The following RTTN variants were observed in gnomAD, a reference collection of about 807,000 sequenced individuals.
RTTN encodes rotatin.
A neutral mutation model predicts 269.2 loss-of-function variants in RTTN; 182 were observed. The ratio of observed to expected loss-of-function variants is 0.68; its 90% confidence interval spans 0.60 to 0.76. The LOEUF is 0.76. RTTN is among the 30% of genes least tolerant of loss of function. The pLI, the probability that RTTN is intolerant of heterozygous loss-of-function variation, is 0.00. For missense variants in RTTN, 2,545 were observed against 2,608.6 expected (o/e 0.98, Z 0.53); for synonymous variants, 1,006 against 963.5 (o/e 1.04, Z -0.82).
At position 70,185,953 on chromosome 18, in the gene RTTN, T is replaced by TAA. The variant is rs992131626; in HGVS notation, c.1305+2153_1305+2154dup. On this transcript the variant is annotated intron_variant, in intron 10 of 48. Transcript: ENST00000640769. ...GAATACTTAAGAATAAGTGTTTTTT[T>TAA]AAAAAAAAACCTAGACTTGCTCTCT... 2.7e-5 allele frequency among the ~76,000 whole-genome samples: 4 copies of TAA among 149,266 alleles called. No individual in the cohort carries two copies. The Admixed American group carries it at 2.7e-4, about 10-fold the overall frequency.
At chr18:70,131,146 TAAAAAA>T (rs67531375) in intron 23 of RTTN, 1 of 141,634 alleles carries the variant, frequency 7.1e-6, no homozygotes, top group African/African-American at 2.6e-5. Flanking sequence ...ATTTTTAGAT[TAAAAAA>T]AAAAAAAACC....
chr18:70,101,804 A>G (rs2059175212), intron 28 of RTTN, among the ~76,000 whole-genome samples: 1 of 152,170 alleles, frequency 6.6e-6, no homozygotes, highest in South Asian at 2.1e-4. Flanking sequence ...TTCAAAGAGC[A>G]TCTTTATTTC....
chr18:70,084,166 G>A (rs944246291), intron 32 of RTTN, among the ~76,000 whole-genome samples: 5 of 151,794 alleles, frequency 3.3e-5, no homozygotes, highest in African/African-American at 7.3e-5. Context: ...GAGCACTAGC[G>A]GGCATTAATT....
At position 70,205,630 on chromosome 18, in the gene RTTN, A is replaced by G. The variant is rs2062061239; in HGVS notation, c.29T>C (p.Leu10Pro). Reference protein sequence around the residue: MVLAGLIRKLGHQLAEIRER... With the variant: MVLAGLIRKPGHQLAEIRER... ...GCGAGGGGCAAGCTGACAGTTACCG[A>G]GTTTCCTGATGAGCCCTGCCAGGAC... Residue 10 changes from leucine to proline, a missense_variant and splice_region_variant, in exon 1 of 49, where the codon CTC (leucine) becomes CCC (proline). Physicochemically the swap from Leu to Pro is moderately conservative, Grantham distance 98. Coordinates refer to ENST00000640769, the MANE Select transcript of RTTN (RefSeq NM_173630.4). 6.2e-7 allele frequency: 1 copy of G among 1,614,034 alleles called. No individual in the cohort carries two copies. Among genetic ancestry groups the G allele is most frequent in the Non-Finnish European group, 8.5e-7 (1 of 1,179,998 alleles).
At chr18:70,118,884 ATCCT>A (rs2059663593) in intron 26 of RTTN, among the ~76,000 whole-genome samples, 3 of 152,150 alleles carry the variant, frequency 2.0e-5, no homozygotes, top group Non-Finnish European at 4.4e-5. Context: ...AAAATTCAAC[ATCCT>A]TTCATAATAA....
At chr18:70,180,514 G>A (rs912038689) in intron 10 of RTTN, among the ~76,000 whole-genome samples, 10 of 151,762 alleles carry the variant, frequency 6.6e-5, no homozygotes, top group African/African-American at 1.2e-4. Context: ...TCCAGGAGGC[G>A]GAGGTTGCAG....
At chr18:70,033,809 T>C (rs2057090370) in intron 40 of RTTN, among the ~76,000 whole-genome samples, 1 of 149,626 alleles carries the variant, frequency 6.7e-6, no homozygotes, top group Admixed American at 6.7e-5. Context: ...TAATAAAATA[T>C]ATGGACCACT....
rs151269060 is a variant in RTTN, at chr18:70,029,886, T to C, written c.5745+126A>G. The C allele has an allele frequency of 6.6e-5, 43 of 654,146 alleles. No homozygotes were observed. The East Asian group carries it at 1.1e-3, about 17-fold the overall frequency. The allele number at this position is 654,146 out of a possible 1,614,324, so 40.5% of individuals were successfully genotyped here. A position where few individuals can be genotyped will look rare whatever the true frequency, so the allele number is the denominator to read the frequency against. ...ACAATCTGCTAATGTAGAAGTCTCA[T>C]TAATTTATCCATCTGTACCTTTCTT... On this transcript the variant is annotated intron_variant, in intron 42 of 48. Transcript: ENST00000640769.
intron 11 of RTTN, 88 bp from the exon 12 acceptor site, chr18:70,169,155 A>T: frequency 1.1e-6 from 1 of 896,310 alleles, no homozygotes; most frequent in South Asian, 2.6e-5. Context: ...GTCTTAATCT[A>T]ATCCAACTTC....
In RTTN at chr18:70,042,382, TTTTTTTTTTTTG is replaced by T. The variant is rs535565509; in HGVS notation, c.5541+5577_5541+5588del. 8.8e-3 allele frequency among the ~76,000 whole-genome samples: 1,241 copies of T among 140,394 alleles called. 23 individuals carry two copies. Among genetic ancestry groups the T allele is most frequent in the African/African-American group, 0.031 (1,157 of 37,758 alleles). 92.1% of individuals were successfully genotyped at this position (140,394 alleles called of 152,430 possible). A position where few individuals can be genotyped will look rare whatever the true frequency, so the allele number is the denominator to read the frequency against. ...TGGAATTTTCTTTTTTTTTTTTTTT[TTTTTTTTTTTTG>T]AGACGGAGTCTCGCTCTGTCGCCCA... On this transcript the variant is annotated intron_variant, in intron 40 of 48. Transcript: ENST00000640769.
rs530959467 is a variant in RTTN at position 70,160,239 on chromosome 18, T to C, written c.1929+5823A>G. On this transcript the variant is annotated intron_variant, in intron 14 of 48. Coordinates refer to ENST00000640769, the MANE Select transcript of RTTN (RefSeq NM_173630.4). ...ACAGCAAAAAGCTAATCCACCACGATCAAGTATGCCTTATCCACTGGATGC... is the reference window on the plus strand; with the variant it reads ...ACAGCAAAAAGCTAATCCACCACGACCAAGTATGCCTTATCCACTGGATGC... 3.3e-5 allele frequency among the ~76,000 whole-genome samples: 5 copies of C among 151,836 alleles called. No homozygotes were observed. The South Asian group carries it at 1.0e-3, about 32-fold the overall frequency.
chr18:70,119,459 A>G (rs2059682345), intron 26 of RTTN, among the ~76,000 whole-genome samples: 1 of 152,056 alleles, frequency 6.6e-6, no homozygotes, highest in African/African-American at 2.4e-5. Flanking sequence ...AAATGGAAGG[A>G]AAAAGCAAAG....
rs373061765 is a variant in RTTN at position 70,139,707 on chromosome 18, A to G, written c.2680T>C (p.Cys894Arg). ...AGTGTGAGGCATGGTTGTACCAAAC[A>G]TTCTACAACCTGGGCCAGGAGGAAA... ...CVSQDGKVVECLVQPCLTLLR... is the reference protein window; with the variant it reads ...CVSQDGKVVERLVQPCLTLLR... Residue 894 changes from cysteine to arginine, a missense_variant, in exon 21 of 49, where the codon TGT becomes CGT. Coordinates refer to ENST00000640769, the MANE Select transcript of RTTN (RefSeq NM_173630.4). 365 of 1,603,758 alleles carry G rather than the reference A, an allele frequency of 2.3e-4. No homozygotes were observed. Among genetic ancestry groups the G allele is most frequent in the Non-Finnish European group, 2.9e-4 (337 of 1,171,334 alleles).
At chr18:70,097,305 C>T (rs1016766096) in intron 28 of RTTN, among the ~76,000 whole-genome samples, 3 of 152,162 alleles carry the variant, frequency 2.0e-5, no homozygotes, top group African/African-American at 4.8e-5. Flanking sequence ...AAGGAAACAG[C>T]TTTAATTACT....
intron 46 of RTTN, among the ~76,000 whole-genome samples, chr18:70,016,643 AT>A (rs1431218588): frequency 4.6e-5 from 7 of 151,968 alleles, no homozygotes; most frequent in Admixed American, 2.6e-4. Flanking sequence ...TTTTGCTTCA[AT>A]TTTTTTCTGA....
At chr18:70,049,144 G>A (rs765992062) in intron 39 of RTTN, among the ~76,000 whole-genome samples, 1 of 152,108 alleles carries the variant, frequency 6.6e-6, no homozygotes, top group Non-Finnish European at 1.5e-5. Flanking sequence ...TACTCTGCAG[G>A]TAACTGGCTT....
At chr18:70,158,635 A>G (rs963348259) in intron 14 of RTTN, among the ~76,000 whole-genome samples, 6 of 152,182 alleles carry the variant, frequency 3.9e-5, no homozygotes, top group Admixed American at 3.9e-4. Flanking sequence ...CACCCCACTT[A>G]AAAAGCACAG....
At chr18:70,119,093 T>C (rs1223103618) in intron 26 of RTTN, among the ~76,000 whole-genome samples, 3 of 152,024 alleles carry the variant, frequency 2.0e-5, no homozygotes, top group Non-Finnish European at 1.5e-5. Flanking sequence ...GCAATTAGTA[T>C]ATAGAAAGAA....
At chr18:70,195,681 G>A (rs2061788494) in intron 7 of RTTN, among the ~76,000 whole-genome samples, 1 of 152,178 alleles carries the variant, frequency 6.6e-6, no homozygotes, top group Admixed American at 6.5e-5. Flanking sequence ...GCATAAAACA[G>A]GTAATAAATA....
Sources: gnomAD v4.1 joint callset for allele counts (sites outside exome capture counted in the v4.1 genomes callset) on GRCh38, gnomAD v4.1.1 for gene constraint, MANE v1.5 for transcripts, NCBI Gene and HGNC (gene_info 2026-07-23, HGNC 2026-07-21) for gene names.